Variants in CUL1 observed in about 807,000 individuals in gnomAD.
CUL1 encodes cullin-1.
A neutral mutation model predicts 118.0 loss-of-function variants in CUL1; 24 were observed. That is an observed-to-expected ratio of 0.20 (90% CI 0.15 to 0.29). The LOEUF (loss-of-function observed/expected upper bound fraction) is 0.29, where lower values mean the gene tolerates loss of function less well. Ranked by LOEUF, CUL1 falls within the 10% of genes least tolerant of loss-of-function variation. CUL1 has a pLI of 1.00. For missense variants in CUL1, 361 were observed against 933.8 expected (o/e 0.39, Z 7.99); for synonymous variants, 332 against 340.4 (o/e 0.98, Z 0.27).
chr7:148,731,720 T>G (rs1347145128), intron 2 of CUL1, among the ~76,000 whole-genome samples: 3 of 152,220 alleles, frequency 2.0e-5, no homozygotes, highest in Non-Finnish European at 4.4e-5. Flanking sequence ...TGGCAACTAC[T>G]CATTTACTTT....
intron 1 of CUL1, among the ~76,000 whole-genome samples, chr7:148,713,197 G>A (rs1798105235): frequency 6.6e-6 from 1 of 152,202 alleles, no homozygotes; most frequent in Non-Finnish European, 1.5e-5. Flanking sequence ...ATACACGCAA[G>A]TACCAATCTA....
chr7:148,756,442 T>TCC (rs1799660819), intron 3 of CUL1, among the ~76,000 whole-genome samples: 1 of 151,894 alleles, frequency 6.6e-6, no homozygotes, highest in African/African-American at 2.4e-5. Flanking sequence ...TTCAAGCGAG[T>TCC]CCCCTGCCTC....
chr7:148,797,514 A>C (rs972031484), intron 17 of CUL1, among the ~76,000 whole-genome samples: 14 of 152,076 alleles, frequency 9.2e-5, no homozygotes, highest in Non-Finnish European at 2.1e-4. Flanking sequence ...AGTCCCAGGC[A>C]TTTCAGATAA....
intron 1 of CUL1, among the ~76,000 whole-genome samples, chr7:148,716,554 T>G (rs748808531): frequency 2.6e-5 from 4 of 152,190 alleles, no homozygotes; most frequent in Non-Finnish European, 4.4e-5. Flanking sequence ...TCCACCCTTC[T>G]CCCACACTGT....
chr7:148,798,042 A>T, intron 19 of CUL1, 23 bp downstream of exon 19: 1 of 1,423,380 alleles, frequency 7.0e-7, no homozygotes, highest in Non-Finnish European at 9.9e-7. Flanking sequence ...TAATAAGTAG[A>T]TGGCCCTTGA....
At position 148,730,121 on chromosome 7, in the gene CUL1, C is replaced by T; in HGVS notation, c.-2C>T. ...CTGGACGACTTTAGAACATCCCTCA[C>T]AATGTCGTCAACCCGGAGCCAGAAC... On this transcript the variant is annotated 5_prime_UTR_variant, in exon 2 of 22. Coordinates refer to ENST00000325222, the MANE Select transcript of CUL1 (RefSeq NM_003592.3). 1.9e-6 allele frequency: 3 copies of T among 1,612,344 alleles called. No homozygotes were observed. Among genetic ancestry groups the T allele is most frequent in the Non-Finnish European group, 2.5e-6 (3 of 1,179,440 alleles).
intron 6 of CUL1, 120 bp downstream of exon 6, chr7:148,759,758 C>T (rs573978143): frequency 6.3e-5 from 31 of 490,274 alleles, no homozygotes; most frequent in African/African-American, 5.6e-4. Context: ...TTAGCATTTA[C>T]GAAGGTACTT....
rs1340133588 is a variant in CUL1 at position 148,722,592 on chromosome 7, T to TC, written c.-161-7368dup. ...TAGACCCAGAGAAAGACTCTGGAGT[T>TC]CCTCTCTGCACTAGCCATTTCTATC... On this transcript the variant is annotated intron_variant, in intron 1 of 21. Coordinates refer to ENST00000325222, the MANE Select transcript of CUL1 (RefSeq NM_003592.3). Among the ~76,000 whole-genome samples the TC allele has an allele frequency of 4.6e-5, 7 of 152,206 alleles. No homozygotes were observed. In the East Asian group the frequency reaches 1.2e-3, roughly 25 times the overall value.
chr7:148,701,872 C>T (rs76197420), intron 1 of CUL1, among the ~76,000 whole-genome samples: 2,001 of 152,224 alleles, frequency 0.013, 54 homozygotes, highest in African/African-American at 0.044. Flanking sequence ...TTCAGCCTTC[C>T]GTAGGTCCTA....
chr7:148,741,178 A>G (rs1584782236), intron 2 of CUL1, among the ~76,000 whole-genome samples: 1 of 121,636 alleles, frequency 8.2e-6, no homozygotes, highest in East Asian at 2.1e-4. Context: ...GGTTATTTCC[A>G]ACTTTTTACT....
chr7:148,706,657 C>G (rs1797894240), intron 1 of CUL1, among the ~76,000 whole-genome samples: 2 of 102,836 alleles, frequency 1.9e-5, no homozygotes, highest in Non-Finnish European at 3.5e-5. Flanking sequence ...TTGCCCTATA[C>G]AGGGTATGTG....
At position 148,699,996 on chromosome 7, in the gene CUL1, G is replaced by C. The variant is rs145069418; in HGVS notation, c.-162+967G>C. Among the ~76,000 whole-genome samples the C allele has an allele frequency of 5.2e-4, 79 of 152,316 alleles. 1 individual carries two copies. The East Asian group carries it at 0.015, about 29-fold the overall frequency. On this transcript the variant is annotated intron_variant, in intron 1 of 21. Coordinates refer to ENST00000325222, the MANE Select transcript of CUL1 (RefSeq NM_003592.3). ...GCGCAGACATAAGATAAGAAAGAGAGGAATGCTTGTAGACATTCCTTGAAA... is the reference window on the plus strand; with the variant it reads ...GCGCAGACATAAGATAAGAAAGAGACGAATGCTTGTAGACATTCCTTGAAA...
At chr7:148,780,125 ATC>A (rs1800573165) in intron 9 of CUL1, among the ~76,000 whole-genome samples, 2 of 138,668 alleles carry the variant, frequency 1.4e-5, no homozygotes, top group South Asian at 4.5e-4. Context: ...ATATATATAT[ATC>A]TCCTGTTAGT....
intron 1 of CUL1, among the ~76,000 whole-genome samples, chr7:148,725,205 ACACACACGCGCGCGCT>A (rs1798525281): frequency 1.9e-5 from 2 of 104,682 alleles, no homozygotes; most frequent in Non-Finnish European, 4.3e-5. Context: ...GTGTACACAC[ACACACACGCGCGCGCT>A]CACACACACA....
chr7:148,750,217 A>C (rs939967301), intron 2 of CUL1, among the ~76,000 whole-genome samples: 2 of 152,110 alleles, frequency 1.3e-5, no homozygotes, highest in African/African-American at 4.8e-5. Context: ...AGGATCATTG[A>C]TGAAGGTGGC....
At chr7:148,755,903 A>G (rs1393888720) in intron 3 of CUL1, among the ~76,000 whole-genome samples, 1 of 152,234 alleles carries the variant, frequency 6.6e-6, no homozygotes, top group Non-Finnish European at 1.5e-5. Flanking sequence ...CATTGAAGAC[A>G]CTGAGGCTCA....
intron 1 of CUL1, among the ~76,000 whole-genome samples, chr7:148,710,324 C>T (rs1798010191): frequency 6.6e-6 from 1 of 152,156 alleles, no homozygotes; most frequent in Non-Finnish European, 1.5e-5. Context: ...AATCCCAGCA[C>T]TTTGGGAGGC....
chr7:148,746,258 G>A (rs2129460090), intron 2 of CUL1, among the ~76,000 whole-genome samples: 1 of 152,316 alleles, frequency 6.6e-6, no homozygotes, highest in Non-Finnish European at 1.5e-5. Context: ...GGAAGCAACT[G>A]CTACATTGAT....
intron 2 of CUL1, among the ~76,000 whole-genome samples, 198 bp downstream of exon 2, chr7:148,730,460 C>T (rs1010457998): frequency 2.0e-5 from 3 of 152,132 alleles, no homozygotes; most frequent in Non-Finnish European, 2.9e-5. Flanking sequence ...CTGGGCAGTA[C>T]AGTCACCACT....
Sources: allele counts gnomAD v4.1 joint callset (sites outside exome capture counted in the v4.1 genomes callset), GRCh38; gene constraint gnomAD v4.1.1; transcripts MANE v1.5; gene names NCBI Gene and HGNC (gene_info 2026-07-23, HGNC 2026-07-21).